SOX5: variants seen among roughly 807,000 people sequenced by gnomAD.
SOX5 encodes transcription factor SOX-5.
SOX5 carries 9 observed loss-of-function variants against 92.0 expected under a neutral mutation model. That is an observed-to-expected ratio of 0.10 (90% confidence interval 0.06 to 0.17). The LOEUF (loss-of-function observed/expected upper bound fraction) is 0.17, where lower values mean the gene tolerates loss of function less well. Ranked by LOEUF, SOX5 falls within the 10% of genes least tolerant of loss-of-function variation. The pLI, the probability that SOX5 is intolerant of heterozygous loss-of-function variation, is 1.00. For missense variants in SOX5, 642 were observed against 944.5 expected (o/e 0.68, Z 4.20); for synonymous variants, 344 against 336.3 (o/e 1.02, Z -0.25).
chr12:24,359,347 C>T (rs1018847118), intron 2 of SOX5, among the ~76,000 whole-genome samples: 1 of 152,144 alleles, frequency 6.6e-6, no homozygotes, highest in Non-Finnish European at 1.5e-5. Flanking sequence ...CCTTGATGCT[C>T]CGGTCTTGCC....
Position 23,970,841 on chromosome 12 carries a change from A to ATATATATTTTTTTTTTTTTT in SOX5, c.-1-74818_-1-74817insAAAAAAAAAAAAAATATATA. On this transcript the variant is annotated intron_variant, in intron 4 of 4. Coordinates refer to the SOX5 transcript ENST00000446891. ...ACATGGGACTTTATATATATATATA[A>ATATATATTTTTTTTTTTTTT]TTTTTTTTTTTTTTTAAGAAATGGG... Among the ~76,000 whole-genome samples, 13 of 21,884 alleles carry ATATATATTTTTTTTTTTTTT rather than the reference A, an allele frequency of 5.9e-4. 1 individual carries two copies. The highest frequency in any genetic ancestry group is 9.3e-4 in the Non-Finnish European group (9 of 9,706). 14.4% of individuals were successfully genotyped at this position (21,884 alleles called of 152,430 possible). A position where few individuals can be genotyped will look rare whatever the true frequency, so the allele number is the denominator to read the frequency against.
chr12:24,230,393 GA>G (rs372015154), intron 3 of SOX5, among the ~76,000 whole-genome samples: 2 of 151,826 alleles, frequency 1.3e-5, no homozygotes, highest in African/African-American at 2.4e-5. Context: ...GGTAGAAAAA[GA>G]AAAAAAGCTG....
At chr12:24,399,625 A>C (rs774486074) in intron 1 of SOX5, among the ~76,000 whole-genome samples, 4 of 152,218 alleles carry the variant, frequency 2.6e-5, no homozygotes, top group Non-Finnish European at 5.9e-5. Context: ...GTAGCTAAAA[A>C]AACAATTGTT....
intron 12 of SOX5, 117 bp from the exon 13 acceptor site, chr12:23,543,501 G>T: frequency 2.8e-6 from 2 of 706,092 alleles, no homozygotes; most frequent in South Asian, 2.1e-5. Flanking sequence ...TTCTGATAAT[G>T]GTACTTCCAG....
intron 4 of SOX5, among the ~76,000 whole-genome samples, chr12:23,987,433 T>C (rs916175825): frequency 2.6e-5 from 4 of 152,136 alleles, no homozygotes; most frequent in African/African-American, 9.7e-5. Context: ...AGAAGACTTG[T>C]GGAGCTGGAG....
At chr12:24,493,103 C>A (rs1163747535) in intron 1 of SOX5, among the ~76,000 whole-genome samples, 1 of 151,900 alleles carries the variant, frequency 6.6e-6, no homozygotes, top group Non-Finnish European at 1.5e-5. Context: ...TTTTTTTAAT[C>A]AGACTTTGTG....
In SOX5 at chr12:24,473,732, A is replaced by G. The variant is rs111896355; in HGVS notation, c.-251+88597T>C. 4.1e-3 allele frequency among the ~76,000 whole-genome samples: 617 copies of G among 152,326 alleles called. 4 individuals are homozygous for G. The highest frequency in any genetic ancestry group is 0.017 in the Middle Eastern group (5 of 294). The stretch of plus-strand genomic sequence containing the variant: ...CACATCTGATTAGAGTTGGCCCTCA[A>G]TAAGAAAGAAATCTCAAAGGTCTGG... On this transcript the variant is annotated intron_variant, in intron 1 of 4. Coordinates refer to the SOX5 transcript ENST00000446891.
intron 7 of SOX5, among the ~76,000 whole-genome samples, chr12:23,647,323 C>T (rs1176556833): frequency 6.6e-6 from 1 of 152,200 alleles, no homozygotes; most frequent in African/African-American, 2.4e-5. Flanking sequence ...AATAGATGTG[C>T]TGTCATCCAG....
At chr12:23,953,236 A>G (rs1945882913), upstream of SOX5, among the ~76,000 whole-genome samples, 2 of 152,144 alleles carry the variant, frequency 1.3e-5, no homozygotes, top group African/African-American at 4.8e-5. Flanking sequence ...TTATTTCATT[A>G]AATGATCAAA....
intron 4 of SOX5, among the ~76,000 whole-genome samples, chr12:24,057,844 T>C (rs1421220593): frequency 2.0e-5 from 3 of 152,250 alleles, no homozygotes; most frequent in Non-Finnish European, 4.4e-5. Context: ...TGGAATGGCA[T>C]AATGTAGCCA....
chr12:24,538,812 C>T (rs1951871852), intron 1 of SOX5, among the ~76,000 whole-genome samples: 1 of 152,100 alleles, frequency 6.6e-6, no homozygotes. Flanking sequence ...GTTAGCAGTA[C>T]TATGACATAT....
chr12:23,691,266 G>A lies in SOX5; in HGVS notation c.811-25702C>T, dbSNP rs772556765. Among the ~76,000 whole-genome samples the A allele has an allele frequency of 1.1e-4, 16 of 152,138 alleles. No individual in the cohort carries two copies. The Middle Eastern group carries it at 0.01, about 98-fold the overall frequency. On this transcript the variant is annotated intron_variant, in intron 6 of 14. Transcript: ENST00000451604. ...ACAAGATTCCTAAATTATTTCTTACGTCACACTATTATTTTCTGTCTTCTT... is the reference window on the plus strand; with the variant it reads ...ACAAGATTCCTAAATTATTTCTTACATCACACTATTATTTTCTGTCTTCTT...
chr12:23,963,375 T>C (rs1256985378), intron 4 of SOX5, among the ~76,000 whole-genome samples: 1 of 152,226 alleles, frequency 6.6e-6, no homozygotes, highest in Non-Finnish European at 1.5e-5. Flanking sequence ...CTCATTTCTA[T>C]TTCTCTATAA....
intron 1 of SOX5, among the ~76,000 whole-genome samples, chr12:24,524,434 T>C (rs1357833265): frequency 6.6e-6 from 1 of 152,056 alleles, no homozygotes; most frequent in African/African-American, 2.4e-5. Context: ...TCTGTCTCTC[T>C]GGAGAACCCT....
In SOX5 at chr12:23,741,997, G is replaced by A. The variant is rs77325346; in HGVS notation, c.569-958C>T. On this transcript the variant is annotated intron_variant, in intron 4 of 14. Transcript: ENST00000451604. The stretch of plus-strand genomic sequence containing the variant: ...TTTTAGAACTCACAAGATAGACAAG[G>A]CCCCTATGATAAAGTACTACCAGTA... Among the ~76,000 whole-genome samples the A allele has an allele frequency of 5.1e-3, 771 of 152,144 alleles. 9 individuals carry two copies. Among genetic ancestry groups the A allele is most frequent in the African/African-American group, 0.018 (742 of 41,528 alleles).
chr12:23,784,178 C>G (rs2095335951), intron 3 of SOX5, among the ~76,000 whole-genome samples: 2 of 152,106 alleles, frequency 1.3e-5, no homozygotes, highest in South Asian at 4.1e-4. Flanking sequence ...ATTGAGCTGG[C>G]TCTTTTATCA....
At chr12:24,107,914 G>A (rs756287387) in intron 4 of SOX5, among the ~76,000 whole-genome samples, 1 of 152,208 alleles carries the variant, frequency 6.6e-6, no homozygotes, top group Non-Finnish European at 1.5e-5. Flanking sequence ...GCAAAGCCAA[G>A]TGAATGGTTA....
At chr12:23,841,952 T>C (rs78311634) in intron 3 of SOX5, among the ~76,000 whole-genome samples, 2,714 of 131,528 alleles carry the variant, frequency 0.021, 89 homozygotes, top group African/African-American at 0.074. Flanking sequence ...TACAACATAA[T>C]AAGTGAGCCT....
At chr12:24,103,339 T>C (rs1358137785) in intron 4 of SOX5, among the ~76,000 whole-genome samples, 1 of 135,156 alleles carries the variant, frequency 7.4e-6, no homozygotes, top group East Asian at 2.4e-4. Context: ...TTAATAGTAA[T>C]TCTTTTCTCA....
Sources: gnomAD v4.1 joint callset for allele counts (sites outside exome capture counted in the v4.1 genomes callset) on GRCh38, gnomAD v4.1.1 for gene constraint, MANE v1.5 for transcripts, NCBI Gene and HGNC (gene_info 2026-07-23, HGNC 2026-07-21) for gene names.